TBCK: variants seen among roughly 807,000 people sequenced by gnomAD.
TBCK encodes the protein TBC1 domain containing kinase.
A neutral mutation model predicts 113.4 loss-of-function variants in TBCK; 99 were observed. The ratio of observed to expected loss-of-function variants is 0.87; its 90% CI spans 0.74 to 1.03. The LOEUF (loss-of-function observed/expected upper bound fraction) is 1.03, where lower values mean the gene tolerates loss of function less well. TBCK is among the 50% of genes least tolerant of loss of function. The pLI is 0.00. For synonymous variants in TBCK, 369 were observed against 370.8 expected (o/e 1.00, Z 0.05); for missense variants, 1,045 against 1,061.3 (o/e 0.98, Z 0.21).
At chr4:106,220,217 G>A (rs566787837) in intron 19 of TBCK, among the ~76,000 whole-genome samples, 1 of 152,246 alleles carries the variant, frequency 6.6e-6, no homozygotes, top group African/African-American at 2.4e-5. Flanking sequence ...AATCATGGGA[G>A]CTGCTCTTGC....
intron 11 of TBCK, among the ~76,000 whole-genome samples, chr4:106,243,511 T>C (rs1030196963): frequency 3.3e-5 from 5 of 152,072 alleles, no homozygotes; most frequent in Non-Finnish European, 7.4e-5. Context: ...TCTACTTAAT[T>C]CAATGTATGA....
chr4:106,260,444 G>T lies in TBCK; in HGVS notation c.448C>A (p.Pro150Thr). 1 of 1,353,914 alleles carries T rather than the reference G, an allele frequency of 7.4e-7. No individual in the cohort carries two copies. Among genetic ancestry groups the T allele is most frequent in the Non-Finnish European group, 9.8e-7 (1 of 1,021,820 alleles). 83.9% of individuals were successfully genotyped at this position (1,353,914 alleles called of 1,614,324 possible). ...AGGAAAACATATCCTTACCCTATTG[G>T]GAAATCAACATCATCACCATGAGCT... ...MTAHGDDVDF[P>T]IGYPSYLAPE... The change falls in exon 5 of 26, where the codon CCA becomes ACA. Residue 150 changes from proline (P) to threonine (T), a missense_variant. By Grantham distance (38) the Pro-to-Thr change is conservative. Coordinates refer to ENST00000394708, the MANE Select transcript of TBCK (RefSeq NM_001163435.3).
chr4:106,073,728 TAC>T (rs754512584), intron 25 of TBCK, among the ~76,000 whole-genome samples: 1 of 152,216 alleles, frequency 6.6e-6, no homozygotes, highest in Non-Finnish European at 1.5e-5. Flanking sequence ...AGCTGGAGTC[TAC>T]AGAGGCACGT....
Position 106,217,564 on chromosome 4 carries a change from T to A in TBCK, c.1775-4729A>T, listed in dbSNP as rs567070241. 2.4e-4 allele frequency among the ~76,000 whole-genome samples: 37 copies of A among 152,106 alleles called. No homozygotes were observed. In the South Asian group the frequency reaches 7.5e-3, roughly 31 times the overall value. On this transcript the variant is annotated intron_variant, in intron 19 of 25. Coordinates refer to ENST00000394708, the MANE Select transcript of TBCK (RefSeq NM_001163435.3). ...TGTGCAAAAATCACAAGCATTCCTA[T>A]ACACCAACAACAGACAAACAGAGAG...
At chr4:106,056,260 TTTAA>T (rs1392409922) in intron 25 of TBCK, among the ~76,000 whole-genome samples, 1 of 149,312 alleles carries the variant, frequency 6.7e-6, no homozygotes, top group Non-Finnish European at 1.5e-5. Context: ...AAGGTCTTTT[TTTAA>T]TTAATTTTTT....
intron 23 of TBCK, among the ~76,000 whole-genome samples, chr4:106,123,471 C>T (rs1744723337): frequency 6.6e-6 from 1 of 152,116 alleles, no homozygotes; most frequent in African/African-American, 2.4e-5. Context: ...AGATTCAATG[C>T]CATCCCCATA....
At chr4:106,209,231 CATAA>C (rs1376448029) in intron 20 of TBCK, among the ~76,000 whole-genome samples, 1 of 147,952 alleles carries the variant, frequency 6.8e-6, no homozygotes, top group Non-Finnish European at 1.5e-5. Flanking sequence ...AACAGGGAAG[CATAA>C]ATAAATATAT....
At chr4:106,099,936 T>C (rs1208920718) in intron 24 of TBCK, among the ~76,000 whole-genome samples, 2 of 152,192 alleles carry the variant, frequency 1.3e-5, no homozygotes, top group East Asian at 3.8e-4. Context: ...AGCCCATATT[T>C]CTCAGTTCAG....
chr4:106,165,218 C>T (rs1316687369), intron 23 of TBCK, among the ~76,000 whole-genome samples: 1 of 151,692 alleles, frequency 6.6e-6, no homozygotes, highest in African/African-American at 2.4e-5. Context: ...GATTACATAT[C>T]TTTACTTATT....
intron 23 of TBCK, among the ~76,000 whole-genome samples, chr4:106,142,326 CAG>C (rs1355777354): frequency 1.3e-5 from 2 of 152,166 alleles, no homozygotes; most frequent in Admixed American, 6.5e-5. Flanking sequence ...AATTCTCTAA[CAG>C]ATGTGACAAT....
At chr4:106,168,665 A>G (rs922565494) in intron 23 of TBCK, among the ~76,000 whole-genome samples, 3 of 151,982 alleles carry the variant, frequency 2.0e-5, no homozygotes, top group Non-Finnish European at 2.9e-5. Context: ...TTAATATAAA[A>G]GGTCAAACGC....
At chr4:106,316,635 G>T, upstream of TBCK, 4 of 1,544,174 alleles carry the variant, frequency 2.6e-6, no homozygotes, top group Non-Finnish European at 3.5e-6. Context: ...GGGGATCGCC[G>T]ATTGCGATCG....
At chr4:106,059,594 G>A (rs1290660631) in intron 25 of TBCK, among the ~76,000 whole-genome samples, 1 of 151,542 alleles carries the variant, frequency 6.6e-6, no homozygotes. Context: ...AGCCATTTCT[G>A]TTTCTCTCCT....
intron 20 of TBCK, among the ~76,000 whole-genome samples, chr4:106,206,043 T>C (rs1006074584): frequency 6.6e-6 from 1 of 152,128 alleles, no homozygotes; most frequent in Non-Finnish European, 1.5e-5. Context: ...TATAAATACA[T>C]AAATATATTT....
chr4:106,196,705 A>G (rs1754281685), intron 20 of TBCK, among the ~76,000 whole-genome samples: 1 of 152,146 alleles, frequency 6.6e-6, no homozygotes, highest in South Asian at 2.1e-4. Context: ...GTAATGAGTA[A>G]GGGTTGTAGA....
intron 19 of TBCK, among the ~76,000 whole-genome samples, chr4:106,220,019 A>G (rs892963516): frequency 6.6e-6 from 1 of 152,222 alleles, no homozygotes; most frequent in African/African-American, 2.4e-5. Flanking sequence ...AACAAATAGT[A>G]CTAAATTATT....
At chr4:106,244,790 A>G in intron 10 of TBCK, 26 bp from the exon 11 acceptor site, 1 of 1,384,472 alleles carries the variant, frequency 7.2e-7, no homozygotes, top group Non-Finnish European at 9.9e-7. Context: ...TTAAGGAATC[A>G]TTGTATTATA....
At chr4:106,248,135 A>G in intron 9 of TBCK, 110 bp downstream of exon 9, 1 of 579,224 alleles carries the variant, frequency 1.7e-6, no homozygotes, top group African/African-American at 2.0e-5. Context: ...TCAATTATAT[A>G]CTACTCCATA....
chr4:106,293,463 CAAT>C (rs1399511709), intron 3 of TBCK, among the ~76,000 whole-genome samples: 1 of 152,054 alleles, frequency 6.6e-6, no homozygotes, highest in Non-Finnish European at 1.5e-5. Context: ...TTATATATTA[CAAT>C]ATAATAAAAA....
Sources: gnomAD v4.1 joint callset for allele counts (sites outside exome capture counted in the v4.1 genomes callset) on GRCh38, gnomAD v4.1.1 for gene constraint, MANE v1.5 for transcripts, NCBI Gene and HGNC (gene_info 2026-07-23, HGNC 2026-07-21) for gene names.